The following ENTREP2 variants were observed in gnomAD, a reference collection of about 807,000 sequenced individuals.
ENTREP2 encodes protein ENTREP2.
the ENTREP2 span, among the ~76,000 whole-genome samples, chr15:29,608,752 AGAGACAGGGTTT>A: frequency 6.6e-6 from 1 of 151,702 alleles, no homozygotes; most frequent in African/African-American, 2.4e-5. Context: ...TATTTTTAGT[AGAGACAGGGTTT>A]CACCCTGTTA....
At chr15:29,560,106 G>A in the ENTREP2 span, among the ~76,000 whole-genome samples, 1 of 152,160 alleles carries the variant, frequency 6.6e-6, no homozygotes, top group Non-Finnish European at 1.5e-5. Context: ...AGAATAATCT[G>A]GGTAAGAGAG....
the ENTREP2 span, among the ~76,000 whole-genome samples, chr15:29,118,965 T>G: frequency 6.6e-6 from 1 of 152,150 alleles, no homozygotes; most frequent in South Asian, 2.1e-4. Context: ...CACAGCAGCG[T>G]GAGCTCCTTG....
chr15:29,252,883 T>C, the ENTREP2 span, among the ~76,000 whole-genome samples: 3 of 152,138 alleles, frequency 2.0e-5, no homozygotes, highest in Admixed American at 6.5e-5. Flanking sequence ...TTCATACACA[T>C]GCAAAACCAA....
At chr15:29,331,470 C>T in the ENTREP2 span, among the ~76,000 whole-genome samples, 1 of 152,122 alleles carries the variant, frequency 6.6e-6, no homozygotes, top group South Asian at 2.1e-4. Context: ...GAGTCCTTGG[C>T]ACTGATGCTC....
the ENTREP2 span, among the ~76,000 whole-genome samples, chr15:29,487,836 G>T: frequency 6.6e-6 from 1 of 152,168 alleles, no homozygotes; most frequent in Non-Finnish European, 1.5e-5. Flanking sequence ...GGGATTACAG[G>T]CATGCACCAC....
the ENTREP2 span, among the ~76,000 whole-genome samples, chr15:29,294,366 T>C: frequency 1.3e-5 from 2 of 152,320 alleles, no homozygotes; most frequent in Admixed American, 6.5e-5. Flanking sequence ...CAGAGGGAGA[T>C]GGTGACGAGT....
the ENTREP2 span, among the ~76,000 whole-genome samples, chr15:29,589,868 C>T: frequency 1.3e-5 from 2 of 152,228 alleles, no homozygotes; most frequent in East Asian, 1.9e-4. Context: ...TTTCCTCATC[C>T]GGAAGGTGGG....
the ENTREP2 span, among the ~76,000 whole-genome samples, chr15:29,567,606 C>G: frequency 6.6e-6 from 1 of 152,164 alleles, no homozygotes; most frequent in Non-Finnish European, 1.5e-5. Context: ...AGGCTCAGTT[C>G]TGCTGTGTTC....
At chr15:29,420,067 C>A in the ENTREP2 span, among the ~76,000 whole-genome samples, 4 of 152,110 alleles carry the variant, frequency 2.6e-5, no homozygotes, top group Non-Finnish European at 5.9e-5. Context: ...AAAGATGGAT[C>A]CTAAAGCAGC....
At chr15:29,412,900 G>T in the ENTREP2 span, among the ~76,000 whole-genome samples, 2 of 151,582 alleles carry the variant, frequency 1.3e-5, no homozygotes, top group Non-Finnish European at 2.9e-5. Context: ...CTATTCTTAT[G>T]TATTGTGTTC....
chr15:29,446,045 G>A, the ENTREP2 span, among the ~76,000 whole-genome samples: 2 of 152,112 alleles, frequency 1.3e-5, no homozygotes, highest in Admixed American at 6.5e-5. Context: ...TCTATATCTC[G>A]AACAGTGCCC....
the ENTREP2 span, among the ~76,000 whole-genome samples, chr15:29,630,090 C>T: frequency 9.2e-5 from 14 of 151,766 alleles, no homozygotes; most frequent in African/African-American, 2.7e-4. Flanking sequence ...CACTCCGGCC[C>T]GGGTGACACA....
At chr15:29,234,389 T>C in the ENTREP2 span, 1 of 1,557,222 alleles carries the variant, frequency 6.4e-7, no homozygotes, top group Admixed American at 1.7e-5. Flanking sequence ...GGACTTATTA[T>C]TAAGATGGGA....
chr15:29,318,630 A>G, the ENTREP2 span, among the ~76,000 whole-genome samples: 1 of 152,114 alleles, frequency 6.6e-6, no homozygotes, highest in African/African-American at 2.4e-5. Flanking sequence ...AAATTAAGGT[A>G]TGTACACTTT....
chr15:29,173,349 T>C, the ENTREP2 span, among the ~76,000 whole-genome samples: 72 of 152,320 alleles, frequency 4.7e-4, no homozygotes, highest in Non-Finnish European at 6.5e-4. Context: ...GCCTTCCCTC[T>C]GAGAAAGTTC....
the ENTREP2 span, among the ~76,000 whole-genome samples, chr15:29,456,160 G>A: frequency 6.6e-6 from 1 of 152,084 alleles, no homozygotes; most frequent in Non-Finnish European, 1.5e-5. Context: ...TGCCCAAAAG[G>A]CTGGAGACTG....
At chr15:29,643,484 CA>C in the ENTREP2 span, among the ~76,000 whole-genome samples, 3 of 151,652 alleles carry the variant, frequency 2.0e-5, no homozygotes, top group African/African-American at 7.3e-5. Context: ...TAACAAGCAT[CA>C]AAAAAGACAT....
the ENTREP2 span, among the ~76,000 whole-genome samples, chr15:29,621,764 T>G: frequency 3.3e-5 from 5 of 152,038 alleles, no homozygotes; most frequent in South Asian, 1.0e-3. Flanking sequence ...ATTCCACTGT[T>G]GAGTATACAT....
chr15:29,568,164 G>T, the ENTREP2 span, among the ~76,000 whole-genome samples: 1 of 152,244 alleles, frequency 6.6e-6, no homozygotes, highest in South Asian at 2.1e-4. Flanking sequence ...ACACTGTACC[G>T]TACTGAAAGA....
Sources: gnomAD v4.1 joint callset for allele counts (sites outside exome capture counted in the v4.1 genomes callset) on GRCh38, gnomAD v4.1.1 for gene constraint, MANE v1.5 for transcripts, NCBI Gene and HGNC (gene_info 2026-07-23, HGNC 2026-07-21) for gene names.